CHST5: variants seen among roughly 807,000 people sequenced by gnomAD.
The protein encoded by CHST5 is carbohydrate sulfotransferase 5, also known as GST4-alpha.
For missense variants in CHST5, 637 were observed against 602.1 expected (o/e 1.06, Z -0.61); for synonymous variants, 313 against 279.2 (o/e 1.12, Z -1.21).
intron 3 of CHST5, 85 bp downstream of exon 3, chr16:75,533,004 C>T: frequency 1.6e-6 from 1 of 636,044 alleles, no homozygotes; most frequent in Admixed American, 2.4e-5. Context: ...GACCCTGCTG[C>T]TCTGGCCCAA....
In CHST5 at chr16:75,528,801, G is replaced by C; in HGVS notation, c.*348C>G. 5.3e-6 allele frequency: 1 copy of C among 189,714 alleles called. No individual in the cohort carries two copies. The highest frequency in any genetic ancestry group is 1.1e-5 in the Non-Finnish European group (1 of 91,600). 11.8% of individuals were successfully genotyped at this position (189,714 alleles called of 1,614,324 possible). On this transcript the variant is annotated 3_prime_UTR_variant, in exon 4 of 4. Coordinates refer to ENST00000336257, the MANE Select transcript of CHST5 (RefSeq NM_024533.5). ...GACCTCAGGTGATCCACCCGCCTCA[G>C]CCTCTCAAAATGCTGGGATTACAGG...
At position 75,530,864 on chromosome 16, in the gene CHST5, T is replaced by G; in HGVS notation, c.-480A>C. 1.0e-6 allele frequency: 1 copy of G among 993,426 alleles called. No individual in the cohort carries two copies. Among genetic ancestry groups the G allele is most frequent in the Non-Finnish European group, 1.2e-6 (1 of 824,014 alleles). 61.5% of individuals were successfully genotyped at this position (993,426 alleles called of 1,614,324 possible). ...TGTGACGGATCACTTTACCCGTGTG[T>G]GAAAGAGGGATAATTCCGGTACCTG... On this transcript the variant is annotated 5_prime_UTR_variant, in exon 4 of 4. Transcript: ENST00000336257.
chr16:75,532,046 G>T (rs1210349791), intron 3 of CHST5, among the ~76,000 whole-genome samples: 1 of 152,206 alleles, frequency 6.6e-6, no homozygotes, highest in East Asian at 1.9e-4. Context: ...TAGAGCTGTT[G>T]TGATGGATGC....
At chr16:75,535,785 C>T (rs2080557085) in intron 1 of CHST5, among the ~76,000 whole-genome samples, 1 of 152,184 alleles carries the variant, frequency 6.6e-6, no homozygotes, top group Non-Finnish European at 1.5e-5. Context: ...AAGAGGCGCA[C>T]CTTTTAGCCG....
At chr16:75,532,655 G>C (rs961189416) in intron 3 of CHST5, among the ~76,000 whole-genome samples, 22 of 152,202 alleles carry the variant, frequency 1.4e-4, no homozygotes, top group Admixed American at 6.5e-4. Context: ...TGGAAGATGA[G>C]GAGAGTAGCC....
At position 75,529,548 on chromosome 16, in the gene CHST5, T is replaced by A; in HGVS notation, c.837A>T (p.Thr279=). The A allele has an allele frequency of 6.2e-7, 1 of 1,609,392 alleles. No homozygotes were observed. The change falls in exon 4 of 4, where the codon ACA becomes ACT. Residue 279 remains threonine (T), a synonymous_variant. Coordinates refer to ENST00000336257, the MANE Select transcript of CHST5 (RefSeq NM_024533.5). ...RSHVRIAEAA[T]LKPPPFLRGR... ...CGCGCAGGAAGGGTGGCGGCTTGAG[T>A]GTGGCGGCCTCGGCGATGCGCACGT...
chr16:75,529,953 G>A lies in CHST5; in HGVS notation c.432C>T (p.Asn144=), dbSNP rs1294028655. Residue 144 remains asparagine, a synonymous_variant, in exon 4 of 4, where the codon AAC becomes AAT. Coordinates refer to ENST00000336257, the MANE Select transcript of CHST5 (RefSeq NM_024533.5). ...AGCACAGCGCGCGGCTCGTTGCCCA[G>A]TTGAAAAAGGCGGACAGGTTTCGGC... is the stretch of plus-strand genomic sequence containing the variant. The part of the protein sequence containing the change: ...PQSRNLSAFF[N]WATSRALCSP... The A allele has an allele frequency of 5.0e-6, 8 of 1,613,198 alleles. No homozygotes were observed. The highest frequency in any genetic ancestry group is 6.8e-6 in the Non-Finnish European group (8 of 1,179,954).
Position 75,529,937 on chromosome 16 carries a change from C to T in CHST5, c.448G>A (p.Ala150Thr), listed in dbSNP as rs148051752. 2.1e-3 allele frequency: 3,450 copies of T among 1,613,228 alleles called. 8 individuals are homozygous for T. Among genetic ancestry groups the T allele is most frequent in the Non-Finnish European group, 2.7e-3 (3,227 of 1,179,942 alleles). ...CTGCAGGCGGGCGGCGAGCACAGCG[C>T]GCGGCTCGTTGCCCAGTTGAAAAAG... ...SAFFNWATSR[A>T]LCSPPACSAF... The change falls in exon 4 of 4, where the codon GCG becomes ACG. Residue 150 changes from alanine (A) to threonine (T), a missense_variant. By Grantham distance (58) the Ala-to-Thr change is moderately conservative (BLOSUM62 0). Transcript: ENST00000336257.
In CHST5 at chr16:75,528,704, C is replaced by T. The variant is rs1396857912; in HGVS notation, c.*445G>A. On this transcript the variant is annotated 3_prime_UTR_variant, in exon 4 of 4. Coordinates refer to ENST00000336257, the MANE Select transcript of CHST5 (RefSeq NM_024533.5). Reference sequence around the variant, plus strand: ...CTGGGATTACAGGAGTGTGCCACCACGCCGGACTAATTTTTGCATTTTTAG... The same window carrying T: ...CTGGGATTACAGGAGTGTGCCACCATGCCGGACTAATTTTTGCATTTTTAG... 1.9e-5 allele frequency: 3 copies of T among 159,868 alleles called. No individual in the cohort carries two copies. Among genetic ancestry groups the T allele is most frequent in the South Asian group, 1.9e-4 (1 of 5,378 alleles). The allele number at this position is 159,868 out of a possible 1,614,324, so 9.9% of individuals were successfully genotyped here.
At position 75,531,642 on chromosome 16, in the gene CHST5, T is replaced by A. The variant is rs757654671; in HGVS notation, c.-1256-2A>T. The A allele has an allele frequency of 1.1e-4, 138 of 1,303,644 alleles. No homozygotes were observed. Among genetic ancestry groups the A allele is most frequent in the Non-Finnish European group, 1.3e-4 (129 of 988,616 alleles). The allele number at this position is 1,303,644 out of a possible 1,614,324, so 80.8% of individuals were successfully genotyped here. On this transcript the variant is annotated splice_acceptor_variant, in intron 3 of 3. Coordinates refer to ENST00000336257, the MANE Select transcript of CHST5 (RefSeq NM_024533.5). LOFTEE classifies it low-confidence loss of function (5UTR_SPLICE). ...AATCCATGGGAGATGTCTCGACATCTGGCAAAGCAGGAAGGAGAGGAGATC... is the reference window on the plus strand; with the variant it reads ...AATCCATGGGAGATGTCTCGACATCAGGCAAAGCAGGAAGGAGAGGAGATC...
chr16:75,534,641 G>A (rs142980649), intron 2 of CHST5, among the ~76,000 whole-genome samples: 9 of 152,118 alleles, frequency 5.9e-5, no homozygotes, highest in African/African-American at 1.7e-4. Flanking sequence ...ACTCCGTCTC[G>A]AAACAAACAA....
In CHST5 at chr16:75,533,463, C is replaced by T. The variant is rs942604262; in HGVS notation, c.-1351-280G>A. ...CCCTGTGGTGGGTCACACTCCTAAG[C>T]CTTTGTCCAGTGAACTCTTCCATCC... On this transcript the variant is annotated intron_variant, in intron 2 of 3. Coordinates refer to ENST00000336257, the MANE Select transcript of CHST5 (RefSeq NM_024533.5). Among the ~76,000 whole-genome samples, 3 of 152,180 alleles carry T rather than the reference C, an allele frequency of 2.0e-5. 1 individual carries two copies. The highest frequency in any genetic ancestry group is 7.2e-5 in the African/African-American group (3 of 41,454).
At chr16:75,532,143 A>G (rs917686040) in intron 3 of CHST5, among the ~76,000 whole-genome samples, 1 of 152,134 alleles carries the variant, frequency 6.6e-6, no homozygotes, top group African/African-American at 2.4e-5. Flanking sequence ...GTGCTGAGCT[A>G]CATCTGGAGA....
chr16:75,534,449 G>A (rs1376741999), intron 2 of CHST5, among the ~76,000 whole-genome samples: 1 of 152,198 alleles, frequency 6.6e-6, no homozygotes, highest in Non-Finnish European at 1.5e-5. Context: ...GAATTGGACA[G>A]CCTGGCCAAC....
rs74027407 is a variant in CHST5, at chr16:75,529,329, G to T, written c.1056C>A (p.Ser352=). ...HTSSRNARNV[S]QAWRHALPFT... is the part of the protein sequence containing the mutation. ...AGGGCAACGCGTGGCGCCAGGCCTG[G>T]GAGACGTTGCGCGCATTCCTAGACG... Residue 352 remains serine (S), a synonymous_variant, in exon 4 of 4, where the codon TCC becomes TCA. Coordinates refer to ENST00000336257, the MANE Select transcript of CHST5 (RefSeq NM_024533.5). The T allele has an allele frequency of 0.014, 23,300 of 1,613,128 alleles. 2,916 individuals are homozygous for T. In the African/African-American group the frequency reaches 0.27, roughly 19 times the overall value.
At chr16:75,533,661 A>G (rs922558653) in intron 2 of CHST5, among the ~76,000 whole-genome samples, 7 of 152,174 alleles carry the variant, frequency 4.6e-5, no homozygotes, top group Admixed American at 3.3e-4. Flanking sequence ...TTGGGATTAC[A>G]GGCGTGAGCC....
In CHST5 at chr16:75,530,160, TG is replaced by T. The variant is rs2080503724; in HGVS notation, c.224del (p.Ser75TyrfsTer17). On this transcript the variant is annotated frameshift_variant, in exon 4 of 4. Transcript: ENST00000336257. LOFTEE classifies it low-confidence loss of function (END_TRUNC). ...GGCTGAAGAGCTGGCCCAAGAAGGA[TG>T]AGCCCGAGCGCCACGAGGACAGCAC... is the stretch of plus-strand genomic sequence containing the variant. ...VLVLSSWRSG[S>X]SFLGQLFSQH... The T allele has an allele frequency of 5.0e-6, 8 of 1,613,534 alleles. No individual in the cohort carries two copies. The highest frequency in any genetic ancestry group is 6.8e-6 in the Non-Finnish European group (8 of 1,179,970).
In CHST5 at chr16:75,530,621, G is replaced by C. The variant is rs2080511046; in HGVS notation, c.-237C>G. 7.1e-7 allele frequency: 1 copy of C among 1,402,094 alleles called. No homozygotes were observed. Among genetic ancestry groups the C allele is most frequent in the African/African-American group, 1.4e-5 (1 of 68,996 alleles). 86.9% of individuals were successfully genotyped at this position (1,402,094 alleles called of 1,614,324 possible). A position where few individuals can be genotyped will look rare whatever the true frequency, so the allele number is the denominator to read the frequency against. ...CCACCCACCTACTTACATACCTACA[G>C]GCTATCTATCTGTAGAGAGAAATAC... is the stretch of plus-strand genomic sequence containing the variant. On this transcript the variant is annotated 5_prime_UTR_variant, in exon 4 of 4. Coordinates refer to ENST00000336257, the MANE Select transcript of CHST5 (RefSeq NM_024533.5).
At chr16:75,535,782 G>T (rs534782983) in intron 1 of CHST5, among the ~76,000 whole-genome samples, 1 of 152,330 alleles carries the variant, frequency 6.6e-6, no homozygotes, top group African/African-American at 2.4e-5. Flanking sequence ...TCTAAGAGGC[G>T]CACCTTTTAG....
Sources: gnomAD v4.1 joint callset for allele counts (sites outside exome capture counted in the v4.1 genomes callset) on GRCh38, gnomAD v4.1.1 for gene constraint, MANE v1.5 for transcripts, NCBI Gene and HGNC (gene_info 2026-07-23, HGNC 2026-07-21) for gene names.